Variants in RAB30 observed in about 807,000 individuals in gnomAD.
RAB30 encodes RAB30, member RAS oncogene family, also known as ras-related protein Rab-30.
Under a neutral mutation model 25.1 loss-of-function variants are expected in RAB30, and 9 were observed. The ratio of observed to expected loss-of-function variants is 0.36; its 90% CI spans 0.22 to 0.63. The LOEUF is 0.63. Among genes scored for constraint, RAB30 ranks in the 20% least tolerant of loss-of-function variants. RAB30 has a pLI of 0.69. For missense variants in RAB30, 140 were observed against 243.5 expected (o/e 0.58, Z 2.83); for synonymous variants, 77 against 86.4 (o/e 0.89, Z 0.60).
chr11:83,014,602 GC>G (rs1274823661), intron 1 of RAB30, among the ~76,000 whole-genome samples: 7 of 60,878 alleles, frequency 1.1e-4, no homozygotes, highest in African/African-American at 6.6e-4. Context: ...AGAGGCAGAG[GC>G]AGAGAGAGAC....
At chr11:83,020,192 C>T (rs940615786) in intron 1 of RAB30, among the ~76,000 whole-genome samples, 9 of 152,166 alleles carry the variant, frequency 5.9e-5, no homozygotes, top group African/African-American at 9.7e-5. Context: ...ACTCAAACCA[C>T]GGCTGCAGAC....
intron 1 of RAB30, among the ~76,000 whole-genome samples, chr11:83,026,131 C>A (rs1369368842): frequency 1.3e-5 from 2 of 152,096 alleles, no homozygotes; most frequent in African/African-American, 4.8e-5. Context: ...GTTGAGGCCA[C>A]AGTGACCTCT....
At chr11:83,060,340 T>C (rs944743813) in intron 1 of RAB30, among the ~76,000 whole-genome samples, 1 of 152,206 alleles carries the variant, frequency 6.6e-6, no homozygotes, top group Non-Finnish European at 1.5e-5. Flanking sequence ...GGATTATCGA[T>C]AGATGTTAAA....
chr11:82,990,697 A>C (rs17144468), intron 3 of RAB30, among the ~76,000 whole-genome samples: 2,413 of 152,258 alleles, frequency 0.016, 69 homozygotes, highest in African/African-American at 0.055. Context: ...TTGAGCTTAG[A>C]GTTTTTCTTA....
chr11:83,046,305 T>A (rs1322582323), intron 1 of RAB30, among the ~76,000 whole-genome samples: 1 of 152,110 alleles, frequency 6.6e-6, no homozygotes, highest in Non-Finnish European at 1.5e-5. Context: ...CTCTGAGGTG[T>A]AGGCCTGACC....
At chr11:83,017,996 C>T (rs560516414) in intron 1 of RAB30, among the ~76,000 whole-genome samples, 5 of 152,294 alleles carry the variant, frequency 3.3e-5, no homozygotes, top group African/African-American at 1.2e-4. Context: ...TTCTTACCAG[C>T]AGTGTAAAAG....
intron 1 of RAB30, among the ~76,000 whole-genome samples, chr11:83,046,954 C>T (rs1336393980): frequency 6.6e-6 from 1 of 152,202 alleles, no homozygotes; most frequent in Non-Finnish European, 1.5e-5. Flanking sequence ...TAAACCCTGA[C>T]ATTTTAACAT....
At chr11:83,045,150 A>G (rs1280490337) in intron 1 of RAB30, among the ~76,000 whole-genome samples, 1 of 152,150 alleles carries the variant, frequency 6.6e-6, no homozygotes, top group African/African-American at 2.4e-5. Context: ...TTGACTCATC[A>G]CCGGAAGTGT....
intron 1 of RAB30, among the ~76,000 whole-genome samples, chr11:83,043,911 G>C (rs1858183168): frequency 6.6e-6 from 1 of 152,136 alleles, no homozygotes; most frequent in South Asian, 2.1e-4. Context: ...GAGTGGGGAG[G>C]GAAGTAGATA....
intron 1 of RAB30, among the ~76,000 whole-genome samples, chr11:83,050,828 A>G (rs1858342316): frequency 6.6e-6 from 1 of 152,162 alleles, no homozygotes; most frequent in African/African-American, 2.4e-5. Context: ...CATAGATTCC[A>G]TGAAATGCAA....
At position 83,026,018 on chromosome 11, in the gene RAB30, C is replaced by T. The variant is rs1178689840; in HGVS notation, c.-8-28694G>A. On this transcript the variant is annotated intron_variant, in intron 1 of 4. Transcript: ENST00000527633. ...AGCCTAGGAAACATAGTGAGACCCC[C>T]ATCTCTTCAAGAAAATTAAAAAATT... Among the ~76,000 whole-genome samples, 3 of 152,044 alleles carry T rather than the reference C, an allele frequency of 2.0e-5. No individual in the cohort carries two copies. The South Asian group carries it at 6.2e-4, about 32-fold the overall frequency.
chr11:83,038,837 A>T (rs548613935), intron 1 of RAB30: 1 of 151,974 alleles, frequency 6.6e-6, no homozygotes, highest in Admixed American at 6.6e-5. Flanking sequence ...AAATAAAAAA[A>T]AAAAAGAAGA....
chr11:83,069,705 T>G (rs1298927634), intron 1 of RAB30, among the ~76,000 whole-genome samples: 1 of 152,208 alleles, frequency 6.6e-6, no homozygotes, highest in African/African-American at 2.4e-5. Flanking sequence ...GAACATTTCA[T>G]GTAGAGCATT....
At chr11:83,059,873 A>G (rs1858531628) in intron 1 of RAB30, among the ~76,000 whole-genome samples, 1 of 152,222 alleles carries the variant, frequency 6.6e-6, no homozygotes, top group Non-Finnish European at 1.5e-5. Context: ...CATTGTGAGA[A>G]AAAGAAATCA....
chr11:83,047,899 T>C (rs1317616542), intron 1 of RAB30, among the ~76,000 whole-genome samples: 1 of 152,180 alleles, frequency 6.6e-6, no homozygotes, highest in African/African-American at 2.4e-5. Flanking sequence ...TGTCATACTG[T>C]TACGTATAAA....
chr11:83,017,822 T>C (rs1301296134), intron 1 of RAB30, among the ~76,000 whole-genome samples: 2 of 152,224 alleles, frequency 1.3e-5, no homozygotes, highest in African/African-American at 4.8e-5. Flanking sequence ...CAAGTGTGAA[T>C]TGTGCTGCTA....
intron 3 of RAB30, among the ~76,000 whole-genome samples, chr11:82,989,383 G>A (rs1258823423): frequency 6.6e-6 from 1 of 152,210 alleles, no homozygotes; most frequent in Non-Finnish European, 1.5e-5. Context: ...TCCCTGCCAT[G>A]AATCAGCAGC....
intron 1 of RAB30, among the ~76,000 whole-genome samples, chr11:83,055,744 A>G (rs1046206309): frequency 1.3e-5 from 2 of 152,224 alleles, no homozygotes; most frequent in African/African-American, 4.8e-5. Flanking sequence ...AGCACCTTAC[A>G]AAAAGGGCTT....
Position 82,981,853 on chromosome 11 carries a change from C to CG in RAB30, c.*311dup, listed in dbSNP as rs571608195. The CG allele has an allele frequency of 1.5e-4, 46 of 312,296 alleles. No homozygotes were observed. In the East Asian group the frequency reaches 3.3e-3, roughly 23 times the overall value. 19.3% of individuals were successfully genotyped at this position (312,296 alleles called of 1,614,324 possible). On this transcript the variant is annotated 3_prime_UTR_variant, in exon 5 of 5. Coordinates refer to ENST00000527633, the MANE Select transcript of RAB30 (RefSeq NM_001286060.2). ...GGGATCCCTACAGTACATTTCCCCC[C>CG]GGACTCTGTTTAGGAATGCGCTTTT...
Sources: gnomAD v4.1 joint callset for allele counts (sites outside exome capture counted in the v4.1 genomes callset) on GRCh38, gnomAD v4.1.1 for gene constraint, MANE v1.5 for transcripts, NCBI Gene and HGNC (gene_info 2026-07-23, HGNC 2026-07-21) for gene names.